Variants in PSD3 observed in about 807,000 individuals in gnomAD.
PSD3 encodes pleckstrin and Sec7 domain containing 3, also known as PH and SEC7 domain-containing protein 3.
Under a neutral mutation model 105.5 loss-of-function variants are expected in PSD3, and 49 were observed. The observed-to-expected ratio is 0.46, with a 90% CI of 0.37 to 0.59. The LOEUF (loss-of-function observed/expected upper bound fraction) is 0.59. Among genes scored for constraint, PSD3 ranks in the 20% least tolerant of loss-of-function variants. The probability of loss-of-function intolerance (pLI) is 0.00; values close to 1 mark genes in which losing one functional copy is unlikely to be tolerated. For missense variants in PSD3, 1,561 were observed against 1,263.8 expected (o/e 1.24, Z -3.57); for synonymous variants, 557 against 457.8 (o/e 1.22, Z -2.77).
At chr8:18,705,712 A>G (rs1282567587) in intron 9 of PSD3, among the ~76,000 whole-genome samples, 1 of 152,160 alleles carries the variant, frequency 6.6e-6, no homozygotes, top group Non-Finnish European at 1.5e-5. Context: ...ATCTATATTA[A>G]AAAAGTCTTA....
Position 18,684,437 on chromosome 8 carries a change from G to A in PSD3, c.2173-28752C>T, listed in dbSNP as rs1236703300. Among the ~76,000 whole-genome samples the A allele has an allele frequency of 7.2e-5, 11 of 152,130 alleles. No homozygotes were observed. The South Asian group carries it at 8.3e-4, about 11-fold the overall frequency. ...CCAAGGCACCATGTGGGGTGGGAAC[G>A]TAGCTGAATTTCCACAAGGAAGAAA... On this transcript the variant is annotated intron_variant, in intron 9 of 15. Transcript: ENST00000327040.
At chr8:18,916,224 G>A (rs1057392511) in intron 2 of PSD3, among the ~76,000 whole-genome samples, 4 of 149,342 alleles carry the variant, frequency 2.7e-5, no homozygotes, top group Admixed American at 1.3e-4. Context: ...ATTCTTTGCA[G>A]CTTTATTCAC....
At chr8:18,672,373 G>A (rs1799834159) in intron 9 of PSD3, among the ~76,000 whole-genome samples, 1 of 151,910 alleles carries the variant, frequency 6.6e-6, no homozygotes. Flanking sequence ...GGGGGACTTT[G>A]ACATTTAGAG....
chr8:18,790,363 A>T (rs1159739330), intron 8 of PSD3, among the ~76,000 whole-genome samples: 1 of 138,724 alleles, frequency 7.2e-6, no homozygotes, highest in East Asian at 2.1e-4. Flanking sequence ...AGTGCAGTGG[A>T]GTGATCTCGG....
chr8:18,716,840 A>G (rs1025717205), intron 9 of PSD3, among the ~76,000 whole-genome samples: 1 of 152,188 alleles, frequency 6.6e-6, no homozygotes, highest in Admixed American at 6.5e-5. Context: ...AAGGCCTAAA[A>G]GGTAATATTT....
chr8:18,697,288 G>A (rs972433), intron 9 of PSD3, among the ~76,000 whole-genome samples: 119,981 of 151,860 alleles, frequency 0.79, 49,801 homozygotes, highest in Non-Finnish European at 0.94. Context: ...AGGGGGAGAG[G>A]GTAGGAAACA....
intron 1 of PSD3, among the ~76,000 whole-genome samples, chr8:18,983,201 T>C (rs978253876): frequency 1.1e-4 from 16 of 152,232 alleles, no homozygotes; most frequent in African/African-American, 3.1e-4. Flanking sequence ...TGCAGCTTCC[T>C]TACCTCTACC....
intron 1 of PSD3, among the ~76,000 whole-genome samples, chr8:18,995,051 T>G (rs918871985): frequency 6.6e-6 from 1 of 152,094 alleles, no homozygotes; most frequent in Non-Finnish European, 1.5e-5. Flanking sequence ...CTGACAAAAT[T>G]TATTTATAAC....
At chr8:19,022,473 T>C (rs934317327) in intron 1 of PSD3, among the ~76,000 whole-genome samples, 1 of 152,218 alleles carries the variant, frequency 6.6e-6, no homozygotes, top group Non-Finnish European at 1.5e-5. Flanking sequence ...CACTCACACA[T>C]GCCCCTTGCC....
intron 11 of PSD3, among the ~76,000 whole-genome samples, chr8:18,614,346 C>G (rs1043219405): frequency 6.6e-6 from 1 of 150,820 alleles, no homozygotes; most frequent in Admixed American, 6.6e-5. Flanking sequence ...CCCATCCCCC[C>G]CCCAAAAAAA....
chr8:18,857,980 G>T (rs974973221), intron 4 of PSD3, among the ~76,000 whole-genome samples: 1 of 152,130 alleles, frequency 6.6e-6, no homozygotes, highest in Non-Finnish European at 1.5e-5. Flanking sequence ...ACATTAGACA[G>T]GACAGAGATT....
intron 2 of PSD3, among the ~76,000 whole-genome samples, chr8:18,876,610 G>C (rs1202675281): frequency 6.6e-6 from 1 of 151,914 alleles, no homozygotes; most frequent in African/African-American, 2.4e-5. Flanking sequence ...ATGTTGCCCA[G>C]GCTAGTCTTG....
At chr8:18,739,258 T>C (rs910920338) in intron 9 of PSD3, among the ~76,000 whole-genome samples, 1 of 152,076 alleles carries the variant, frequency 6.6e-6, no homozygotes, top group African/African-American at 2.4e-5. Flanking sequence ...AATATAGAAC[T>C]GTAGGCAATA....
chr8:19,055,178 G>T (rs1215329092), intron 1 of PSD3, among the ~76,000 whole-genome samples: 1 of 152,174 alleles, frequency 6.6e-6, no homozygotes, highest in South Asian at 2.1e-4. Flanking sequence ...GAATAGTCTT[G>T]CCTAGCTTAA....
At chr8:19,010,156 C>T (rs1826886355) in intron 1 of PSD3, among the ~76,000 whole-genome samples, 1 of 152,162 alleles carries the variant, frequency 6.6e-6, no homozygotes, top group South Asian at 2.1e-4. Context: ...GAGTGGTCCT[C>T]AAGTAAGCCT....
intron 1 of PSD3, among the ~76,000 whole-genome samples, chr8:19,048,665 G>A (rs1206044912): frequency 6.6e-6 from 1 of 152,182 alleles, no homozygotes; most frequent in Non-Finnish European, 1.5e-5. Flanking sequence ...TGCCTGTGAA[G>A]CAGTAATCAG....
intron 9 of PSD3, among the ~76,000 whole-genome samples, chr8:18,704,542 T>TG (rs1801778372): frequency 6.6e-6 from 1 of 152,310 alleles, no homozygotes; most frequent in African/African-American, 2.4e-5. Flanking sequence ...TTCCCCACGC[T>TG]GGCCAGGCTG....
At chr8:18,988,434 A>C (rs1182891164) in intron 1 of PSD3, among the ~76,000 whole-genome samples, 1 of 152,232 alleles carries the variant, frequency 6.6e-6, no homozygotes, top group Non-Finnish European at 1.5e-5. Flanking sequence ...CCGCAAGTGG[A>C]AAACCTGCTT....
chr8:18,632,839 G>A, intron 10 of PSD3, 33 bp from the exon 11 acceptor site: 1 of 1,447,784 alleles, frequency 6.9e-7, no homozygotes, highest in South Asian at 1.3e-5. Context: ...ACTGAGTCAA[G>A]CACCTATCAT....
Sources: gnomAD v4.1 joint callset for allele counts (sites outside exome capture counted in the v4.1 genomes callset) on GRCh38, gnomAD v4.1.1 for gene constraint, MANE v1.5 for transcripts, NCBI Gene and HGNC (gene_info 2026-07-23, HGNC 2026-07-21) for gene names.